LEPR: variants seen among roughly 807,000 people sequenced by gnomAD.
The protein encoded by LEPR is OB receptor.
In LEPR, 56 loss-of-function variants were observed where a neutral mutation model predicts 114.7. The ratio of observed to expected loss-of-function variants is 0.49; its 90% CI spans 0.39 to 0.61. The LOEUF is 0.61. Among genes scored for constraint, LEPR ranks in the 20% least tolerant of loss-of-function variants. The probability of loss-of-function intolerance (pLI) is 0.00; values close to 1 mark genes in which losing one functional copy is unlikely to be tolerated. For synonymous variants in LEPR, 443 were observed against 461.4 expected, an observed-to-expected ratio of 0.96 and a Z score of 0.51; for missense variants, 1,202 against 1,352.9, an observed-to-expected ratio of 0.89 and a Z score of 1.75.
At chr1:65,583,594 A>T (rs1269921175) in intron 5 of LEPR, among the ~76,000 whole-genome samples, 2 of 152,150 alleles carry the variant, frequency 1.3e-5, no homozygotes, top group East Asian at 1.9e-4. Flanking sequence ...AAAAGATTCA[A>T]ATTAGTGCTC....
At chr1:65,624,778 A>G (rs749690583) in intron 19 of LEPR, among the ~76,000 whole-genome samples, 6 of 152,254 alleles carry the variant, frequency 3.9e-5, no homozygotes, top group African/African-American at 7.2e-5. Context: ...ACTGTTCTAC[A>G]GCTTATCAAT....
At chr1:65,611,444 A>G (rs1013102168) in intron 14 of LEPR, among the ~76,000 whole-genome samples, 7 of 152,172 alleles carry the variant, frequency 4.6e-5, no homozygotes, top group Non-Finnish European at 7.3e-5. Context: ...TTTTGGTTTT[A>G]TCTCCATGGG....
chr1:65,462,301 A>G (rs1336501793), intron 2 of LEPR, among the ~76,000 whole-genome samples: 1 of 152,170 alleles, frequency 6.6e-6, no homozygotes, highest in Non-Finnish European at 1.5e-5. Context: ...TTCCAGCTTC[A>G]TCCATGTCCC....
At chr1:65,525,869 C>T (rs1649917330) in intron 2 of LEPR, 2 of 977,808 alleles carry the variant, frequency 2.0e-6, no homozygotes. Flanking sequence ...TCTTCCCGCT[C>T]TGGGTAACTC....
At chr1:65,509,709 C>T (rs1346435720) in intron 2 of LEPR, among the ~76,000 whole-genome samples, 1 of 152,102 alleles carries the variant, frequency 6.6e-6, no homozygotes, top group African/African-American at 2.4e-5. Context: ...AATTAACACA[C>T]AATTGTTTTT....
At chr1:65,592,353 G>T (rs576563335) in intron 5 of LEPR, among the ~76,000 whole-genome samples, 1 of 140,842 alleles carries the variant, frequency 7.1e-6, no homozygotes, top group East Asian at 2.0e-4. Context: ...GAAAAAAAAA[G>T]CCTTTATTTC....
At chr1:65,479,912 A>G in intron 2 of LEPR, among the ~76,000 whole-genome samples, 1 of 149,172 alleles carries the variant, frequency 6.7e-6, no homozygotes, top group East Asian at 1.9e-4. Context: ...ACAAAACAAA[A>G]CAAGACAAAA....
chr1:65,540,916 C>G (rs1178842449), intron 2 of LEPR, among the ~76,000 whole-genome samples: 1 of 152,204 alleles, frequency 6.6e-6, no homozygotes, highest in Non-Finnish European at 1.5e-5. Context: ...ACTGTAATCT[C>G]TGCCTTTCAG....
At chr1:65,487,295 G>A (rs949784349) in intron 2 of LEPR, among the ~76,000 whole-genome samples, 4 of 152,134 alleles carry the variant, frequency 2.6e-5, no homozygotes, top group African/African-American at 9.7e-5. Context: ...GTGGAATTGA[G>A]TAATGATGAG....
intron 14 of LEPR, among the ~76,000 whole-genome samples, chr1:65,610,905 T>A (rs916798109): frequency 6.6e-6 from 1 of 152,232 alleles, no homozygotes; most frequent in African/African-American, 2.4e-5. Flanking sequence ...TTTCTGTCAC[T>A]CCAAATGTGA....
chr1:65,445,144 A>G lies in LEPR; in HGVS notation c.-21+19766A>G, dbSNP rs573031861. ...TGTAAATTGGTACCATCTTGGGTAC[A>G]TCCAAGGTACAGTTTACCTTATCTA... On this transcript the variant is annotated intron_variant, in intron 2 of 19. Transcript: ENST00000349533. 1.1e-4 allele frequency among the ~76,000 whole-genome samples: 16 copies of G among 152,338 alleles called. No homozygotes were observed. In the South Asian group the frequency reaches 2.9e-3, roughly 28 times the overall value.
intron 2 of LEPR, among the ~76,000 whole-genome samples, chr1:65,463,578 AT>A (rs1414783052): frequency 1.3e-5 from 2 of 152,150 alleles, no homozygotes; most frequent in Non-Finnish European, 2.9e-5. Flanking sequence ...TGGTAGCTTG[AT>A]GGGGATGGCA....
At chr1:65,599,593 G>A (rs1349206993) in intron 8 of LEPR, among the ~76,000 whole-genome samples, 2 of 152,040 alleles carry the variant, frequency 1.3e-5, no homozygotes, top group East Asian at 1.9e-4. Flanking sequence ...CATTGACTTC[G>A]GAGTCCAACA....
intron 2 of LEPR, among the ~76,000 whole-genome samples, chr1:65,440,745 A>G (rs1422731020): frequency 1.3e-5 from 2 of 152,184 alleles, no homozygotes; most frequent in Admixed American, 6.5e-5. Context: ...CCAGCAGGTC[A>G]TTGTAAGGCG....
intron 2 of LEPR, among the ~76,000 whole-genome samples, chr1:65,449,195 G>A (rs1033335531): frequency 6.6e-6 from 1 of 151,890 alleles, no homozygotes; most frequent in Non-Finnish European, 1.5e-5. Flanking sequence ...TCTGATATTA[G>A]GAATTTGTGT....
intron 2 of LEPR, among the ~76,000 whole-genome samples, chr1:65,497,981 T>C (rs1315809238): frequency 2.6e-5 from 4 of 152,172 alleles, no homozygotes; most frequent in Non-Finnish European, 5.9e-5. Context: ...TTGCTTGACA[T>C]CTTTTGAAAA....
intron 2 of LEPR, chr1:65,526,404 A>G: frequency 3.0e-6 from 3 of 985,350 alleles, no homozygotes; most frequent in Non-Finnish European, 3.6e-6. Context: ...GTGGTGAGAA[A>G]AAGAGACCCA....
intron 2 of LEPR, among the ~76,000 whole-genome samples, chr1:65,481,305 C>A (rs759642139): frequency 1.5e-4 from 23 of 152,206 alleles, no homozygotes; most frequent in Non-Finnish European, 2.9e-4. Context: ...TATGAATTTT[C>A]TAGGAATATG....
At chr1:65,488,983 A>T (rs1253040796) in intron 2 of LEPR, among the ~76,000 whole-genome samples, 1 of 152,112 alleles carries the variant, frequency 6.6e-6, no homozygotes, top group Non-Finnish European at 1.5e-5. Context: ...ATACTTCATT[A>T]TGTATATGTA....
Sources: allele counts gnomAD v4.1 joint callset (sites outside exome capture counted in the v4.1 genomes callset), GRCh38; gene constraint gnomAD v4.1.1; transcripts MANE v1.5; gene names NCBI Gene and HGNC (gene_info 2026-07-23, HGNC 2026-07-21).